GABRB1: variants seen among roughly 807,000 people sequenced by gnomAD.
GABRB1 encodes gamma-aminobutyric acid receptor subunit beta-1.
A neutral mutation model predicts 51.6 loss-of-function variants in GABRB1; 17 were observed. The ratio of observed to expected loss-of-function variants is 0.33; its 90% CI spans 0.23 to 0.49. The LOEUF is 0.49. Ranked by LOEUF, GABRB1 falls within the 20% of genes least tolerant of loss-of-function variation. The probability of loss-of-function intolerance (pLI) is 0.99; values close to 1 mark genes in which losing one functional copy is unlikely to be tolerated. For missense variants in GABRB1, 410 were observed against 600.6 expected, an observed-to-expected ratio of 0.68 and a Z score of 3.32; for synonymous variants, 247 against 218.9, an observed-to-expected ratio of 1.13 and a Z score of -1.14.
chr4:47,403,419 T>C lies in GABRB1; in HGVS notation c.646T>C (p.Tyr216His), dbSNP rs2110051539. The C allele has an allele frequency of 6.2e-7, 1 of 1,614,090 alleles. No individual in the cohort carries two copies. Among genetic ancestry groups the C allele is most frequent in the Non-Finnish European group, 8.5e-7 (1 of 1,179,952 alleles). ...IELPQFSIVD[Y>H]KMVSKKVEFT... Reference sequence around the variant, plus strand: ...ACTTCCTCAATTTTCAATTGTTGACTACAAGATGGTGTCTAAGAAGGTGGA... The same window carrying C: ...ACTTCCTCAATTTTCAATTGTTGACCACAAGATGGTGTCTAAGAAGGTGGA... Residue 216 changes from tyrosine (Y) to histidine (H), a missense_variant, in exon 6 of 9, where the codon TAC (tyrosine) becomes CAC (histidine). Transcript: ENST00000295454.
upstream of GABRB1, among the ~76,000 whole-genome samples, chr4:47,031,192 C>A (rs529593443): frequency 5.3e-5 from 8 of 152,260 alleles, no homozygotes; most frequent in African/African-American, 1.9e-4. Flanking sequence ...GTGCCCGCCA[C>A]AGGCAACCAG....
chr4:47,081,178 G>A (rs1417880839), intron 3 of GABRB1, among the ~76,000 whole-genome samples: 1 of 152,080 alleles, frequency 6.6e-6, no homozygotes, highest in Non-Finnish European at 1.5e-5. Context: ...AGAACCTAAT[G>A]GATCAACCAT....
At chr4:47,384,360 A>G (rs1727705166) in intron 5 of GABRB1, among the ~76,000 whole-genome samples, 1 of 151,814 alleles carries the variant, frequency 6.6e-6, no homozygotes, top group African/African-American at 2.4e-5. Flanking sequence ...TGCTTTATTG[A>G]CAAATCACTA....
intron 3 of GABRB1, among the ~76,000 whole-genome samples, chr4:47,138,390 C>A (rs1477560691): frequency 1.3e-5 from 2 of 152,010 alleles, no homozygotes; most frequent in Non-Finnish European, 2.9e-5. Flanking sequence ...GATAATCACC[C>A]AAACCCTTTC....
intron 3 of GABRB1, among the ~76,000 whole-genome samples, chr4:47,139,220 C>T (rs1040424423): frequency 1.3e-5 from 2 of 151,950 alleles, no homozygotes; most frequent in African/African-American, 4.8e-5. Flanking sequence ...ACTGGGATGC[C>T]TCTAAAACAG....
intron 4 of GABRB1, among the ~76,000 whole-genome samples, chr4:47,165,025 A>T (rs1718114449): frequency 6.6e-6 from 1 of 152,062 alleles, no homozygotes; most frequent in African/African-American, 2.4e-5. Context: ...AACGTCCATG[A>T]TGTGCCGTAA....
chr4:47,250,496 G>T (rs1328168844), intron 4 of GABRB1, among the ~76,000 whole-genome samples: 1 of 152,086 alleles, frequency 6.6e-6, no homozygotes, highest in Non-Finnish European at 1.5e-5. Context: ...AAATGTCTAG[G>T]TCTCTAGCAA....
At chr4:47,154,816 A>T (rs565514819) in intron 3 of GABRB1, among the ~76,000 whole-genome samples, 66 of 152,130 alleles carry the variant, frequency 4.3e-4, no homozygotes, top group African/African-American at 1.3e-3. Flanking sequence ...CTCTGCCCTT[A>T]TGGCTACTTT....
At chr4:47,011,750 T>C (rs1724586647) in intron 1 of GABRB1, among the ~76,000 whole-genome samples, 1 of 152,224 alleles carries the variant, frequency 6.6e-6, no homozygotes, top group African/African-American at 2.4e-5. Context: ...CTTCCCCTTT[T>C]CAAGCTTTAA....
At chr4:47,291,901 A>G (rs1195571265) in intron 4 of GABRB1, among the ~76,000 whole-genome samples, 1 of 152,222 alleles carries the variant, frequency 6.6e-6, no homozygotes, top group Non-Finnish European at 1.5e-5. Context: ...GCCTTGTCTC[A>G]GATGAGACTT....
At chr4:47,384,990 G>A (rs2110033150) in intron 5 of GABRB1, among the ~76,000 whole-genome samples, 1 of 152,210 alleles carries the variant, frequency 6.6e-6, no homozygotes, top group Non-Finnish European at 1.5e-5. Flanking sequence ...TTTGCACATG[G>A]GGTTAATTCC....
At chr4:47,246,807 G>C (rs1013422652) in intron 4 of GABRB1, among the ~76,000 whole-genome samples, 3 of 152,016 alleles carry the variant, frequency 2.0e-5, no homozygotes, top group Middle Eastern at 3.4e-3. Context: ...TCATATGTTT[G>C]TTGGCCATTA....
chr4:47,421,020 G>A (rs1027261931), intron 8 of GABRB1, among the ~76,000 whole-genome samples: 1 of 151,608 alleles, frequency 6.6e-6, no homozygotes, highest in Non-Finnish European at 1.5e-5. Context: ...CCTACACTGG[G>A]TAAGAAAGAA....
chr4:47,290,895 G>A (rs1723701662), intron 4 of GABRB1, among the ~76,000 whole-genome samples: 1 of 152,148 alleles, frequency 6.6e-6, no homozygotes, highest in Admixed American at 6.5e-5. Context: ...GAGCATAAAA[G>A]TTTAGAAAAT....
intron 4 of GABRB1, among the ~76,000 whole-genome samples, chr4:47,252,546 C>T (rs1350553518): frequency 8.0e-6 from 1 of 125,628 alleles, no homozygotes; most frequent in Non-Finnish European, 1.6e-5. Context: ...CTCACTCTGT[C>T]ACCCAGGCTG....
At position 47,246,382 on chromosome 4, in the gene GABRB1, A is replaced by G. The variant is rs868516576; in HGVS notation, c.462-73745A>G. On this transcript the variant is annotated intron_variant, in intron 4 of 8. Coordinates refer to ENST00000295454, the MANE Select transcript of GABRB1 (RefSeq NM_000812.4). ...TATATATATATATATATATATATAT[A>G]TATATATATATATAAAATACCACAG... Among the ~76,000 whole-genome samples, 174 of 51,824 alleles carry G rather than the reference A, an allele frequency of 3.4e-3. 1 individual carries two copies. Among genetic ancestry groups the G allele is most frequent in the African/African-American group, 0.016 (168 of 10,212 alleles). The allele number at this position is 51,824 out of a possible 152,430, so 34.0% of individuals were successfully genotyped here.
intron 5 of GABRB1, among the ~76,000 whole-genome samples, chr4:47,395,898 T>C (rs1728164473): frequency 6.6e-6 from 1 of 152,154 alleles, no homozygotes; most frequent in African/African-American, 2.4e-5. Flanking sequence ...GCAACATTAT[T>C]GTTCTGAACT....
At chr4:47,199,927 A>G (rs1042389701) in intron 4 of GABRB1, among the ~76,000 whole-genome samples, 3 of 152,136 alleles carry the variant, frequency 2.0e-5, no homozygotes, top group African/African-American at 7.2e-5. Flanking sequence ...ATCAATCCAC[A>G]TTGTTATTGT....
chr4:47,325,338 G>A (rs903267844), intron 5 of GABRB1, among the ~76,000 whole-genome samples: 1 of 151,954 alleles, frequency 6.6e-6, no homozygotes, highest in Non-Finnish European at 1.5e-5. Flanking sequence ...GGGAGGCTGA[G>A]GCAGGGGAAT....
Sources: allele counts gnomAD v4.1 joint callset (sites outside exome capture counted in the v4.1 genomes callset), GRCh38; gene constraint gnomAD v4.1.1; transcripts MANE v1.5; gene names NCBI Gene and HGNC (gene_info 2026-07-23, HGNC 2026-07-21).